The following MED14 variants were observed in gnomAD, a reference collection of about 807,000 sequenced individuals.
MED14 encodes mediator complex subunit 14.
MED14 carries 8 observed loss-of-function variants against 109.0 expected under a neutral mutation model. That is an observed-to-expected ratio of 0.07 (90% CI 0.04 to 0.13). The LOEUF is 0.13. Ranked by LOEUF, MED14 falls within the 10% of genes least tolerant of loss-of-function variation. MED14 has a pLI of 1.00. For synonymous variants in MED14, 399 were observed against 408.7 expected, an observed-to-expected ratio of 0.98 and a Z score of 0.29; for missense variants, 711 against 1,142.4, an observed-to-expected ratio of 0.62 and a Z score of 5.44.
intron 13 of MED14, 75 bp downstream of exon 13, chrX:40,696,949 T>A (rs189547186): frequency 2.2e-6 from 2 of 898,558 alleles, no homozygotes; most frequent in Admixed American, 2.8e-5. Flanking sequence ...ATTGGCAAGT[T>A]AAACAATAAG....
intron 26 of MED14, among the ~76,000 whole-genome samples, chrX:40,661,513 A>G (rs1159826503): frequency 8.9e-6 from 1 of 112,501 alleles, no homozygotes; most frequent in African/African-American, 3.2e-5. Context: ...TGCCCGGCCT[A>G]AACATTCACC....
At chrX:40,700,995 A>C (rs756111026) in intron 12 of MED14, among the ~76,000 whole-genome samples, 170 bp downstream of exon 12, 5 of 112,119 alleles carry the variant, frequency 4.5e-5, no homozygotes, top group African/African-American at 1.3e-4. Context: ...AGAAACTGAC[A>C]TCTTGGAACT....
intron 12 of MED14, among the ~76,000 whole-genome samples, chrX:40,697,923 T>A (rs890585727): frequency 8.9e-6 from 1 of 112,040 alleles, no homozygotes; most frequent in Non-Finnish European, 1.9e-5. Context: ...ATACCAGTTA[T>A]GTGCAGTAAA....
chrX:40,729,298 G>T (rs1488101978), intron 2 of MED14, 21 bp downstream of exon 2: 40 of 1,066,859 alleles, frequency 3.7e-5, no homozygotes, highest in Non-Finnish European at 4.9e-5. Context: ...GACTTTAAGG[G>T]TTTTTTTTTT....
rs763574832 is a variant in MED14, at chrX:40,651,709, A to T, written c.*97T>A. ...TTAGAATATTTAGCTCTTAAAGTTT[A>T]AAAAAAAAGTCCTTTTCCTTTTTTA... is the stretch of plus-strand genomic sequence containing the variant. On this transcript the variant is annotated 3_prime_UTR_variant, in exon 31 of 31. Coordinates refer to ENST00000324817, the MANE Select transcript of MED14 (RefSeq NM_004229.4). The T allele has an allele frequency of 7.8e-5, 79 of 1,012,404 alleles. No homozygotes were observed. In the South Asian group the frequency reaches 1.2e-3, roughly 15 times the overall value. The allele number at this position is 1,012,404 out of a possible 1,213,427, so 83.4% of individuals were successfully genotyped here.
intron 24 of MED14, among the ~76,000 whole-genome samples, chrX:40,666,136 T>G (rs1262138603): frequency 1.8e-5 from 2 of 111,762 alleles, no homozygotes; most frequent in African/African-American, 6.5e-5. Flanking sequence ...CTGTTGTGTG[T>G]GTAAAGGAGA....
chrX:40,716,471 T>C (rs1931524413), intron 3 of MED14, among the ~76,000 whole-genome samples: 1 of 108,764 alleles, frequency 9.2e-6, no homozygotes, highest in Non-Finnish European at 1.9e-5. Flanking sequence ...CATAGTGGTG[T>C]ATGCCTGTGG....
chrX:40,664,399 G>A lies in MED14; in HGVS notation c.3356C>T (p.Ser1119Leu). The change falls in exon 25 of 31, where the codon TCA (serine) becomes TTA (leucine). Residue 1119 changes from serine (S) to leucine (L), a missense_variant. Physicochemically the swap from Ser to Leu is moderately radical, Grantham distance 145. This residue lies in a region of MED14 where 100 missense variants were observed against 147.5 expected (regional missense o/e 0.68). Transcript: ENST00000324817. ...WPGSPQVSGP[S>L]PAARMPGMSP... ...CATTCCAGGCATGCGTGCTGCTGGT[G>A]AGGGGCCAGACACTTGAGGAGATCC... 8.3e-7 allele frequency: 1 copy of A among 1,205,030 alleles called. No homozygotes were observed. The highest frequency in any genetic ancestry group is 1.1e-6 in the Non-Finnish European group (1 of 892,494).
intron 22 of MED14, among the ~76,000 whole-genome samples, chrX:40,674,724 G>A (rs1481945475): frequency 8.9e-6 from 1 of 112,007 alleles, no homozygotes; most frequent in African/African-American, 3.2e-5. Context: ...TAGCCTAGGG[G>A]CCTGTTCAAC....
At chrX:40,704,999 A>G (rs1931085019) in intron 10 of MED14, among the ~76,000 whole-genome samples, 1 of 111,965 alleles carries the variant, frequency 8.9e-6, no homozygotes, top group African/African-American at 3.2e-5. Context: ...AGCATTTCAG[A>G]TAAGGGATAC....
At chrX:40,697,940 T>G (rs928845128) in intron 12 of MED14, among the ~76,000 whole-genome samples, 1 of 111,942 alleles carries the variant, frequency 8.9e-6, no homozygotes, top group African/African-American at 3.2e-5. Context: ...TAAAACCATG[T>G]TATAATATAT....
chrX:40,709,273 T>C (rs1931251633), intron 10 of MED14, 75 bp downstream of exon 10: 2 of 464,695 alleles, frequency 4.3e-6, no homozygotes, highest in Non-Finnish European at 6.7e-6. Context: ...AAAAGTCATA[T>C]TAAGATTCTC....
At chrX:40,702,276 T>G (rs1930963475) in intron 11 of MED14, among the ~76,000 whole-genome samples, 1 of 112,050 alleles carries the variant, frequency 8.9e-6, no homozygotes, top group African/African-American at 3.2e-5. Flanking sequence ...CTAATTTTTG[T>G]GTGTTTAAGT....
chrX:40,657,524 G>A (rs1335177697), intron 28 of MED14, among the ~76,000 whole-genome samples: 1 of 111,515 alleles, frequency 9.0e-6, no homozygotes, highest in Non-Finnish European at 1.9e-5. Context: ...GGTCTTCAGA[G>A]AGCATGGCCC....
chrX:40,722,245 TA>T (rs1931745304), intron 3 of MED14, among the ~76,000 whole-genome samples: 1 of 112,123 alleles, frequency 8.9e-6, no homozygotes, highest in Non-Finnish European at 1.9e-5. Flanking sequence ...TCCTATCAGA[TA>T]AATTTAACAG....
chrX:40,726,875 T>C (rs780624859), intron 2 of MED14, 24 bp from the exon 3 acceptor site: 2 of 1,073,708 alleles, frequency 1.9e-6, no homozygotes, highest in African/African-American at 3.7e-5. Context: ...CAACTCTTAA[T>C]GAACCAACAT....
chrX:40,681,345 A>G (rs1458476370), intron 19 of MED14, among the ~76,000 whole-genome samples: 1 of 111,494 alleles, frequency 9.0e-6, no homozygotes, highest in Non-Finnish European at 1.9e-5. Flanking sequence ...TTGACGTAGA[A>G]GTCTAGAGAG....
At chrX:40,708,818 A>T (rs915854635) in intron 10 of MED14, among the ~76,000 whole-genome samples, 9 of 111,936 alleles carry the variant, frequency 8.0e-5, no homozygotes, top group Non-Finnish European at 1.5e-4. Context: ...AAAATTTTTT[A>T]AAAAGACAAG....
Position 40,668,588 on chromosome X carries a change from C to T in MED14, c.3134-1737G>A, listed in dbSNP as rs1039571315. ...AACATTTAAGCACTTGCTACATTATCATAATTACCTTTAATATCAGCATGT... is the reference window on the plus strand; with the variant it reads ...AACATTTAAGCACTTGCTACATTATTATAATTACCTTTAATATCAGCATGT... On this transcript the variant is annotated intron_variant, in intron 23 of 30. Transcript: ENST00000324817. Among the ~76,000 whole-genome samples the T allele has an allele frequency of 4.5e-5, 5 of 111,127 alleles. No homozygotes were observed. The Admixed American group carries it at 4.8e-4, about 11-fold the overall frequency.
Sources: gnomAD v4.1 joint callset for allele counts (sites outside exome capture counted in the v4.1 genomes callset) on GRCh38, gnomAD v4.1.1 for gene constraint, gnomAD v4.1.1 regional missense constraint, MANE v1.5 for transcripts, NCBI Gene and HGNC (gene_info 2026-07-23, HGNC 2026-07-21) for gene names.